Variants in EHBP1 observed in about 807,000 individuals in gnomAD.
The protein encoded by EHBP1 is EH domain-binding protein 1.
EHBP1 carries 55 observed loss-of-function variants against 144.0 expected under a neutral mutation model. That is an observed-to-expected ratio of 0.38 (90% CI 0.31 to 0.48). EHBP1 has a LOEUF of 0.48. EHBP1 is among the 20% of genes least tolerant of loss of function. The probability of loss-of-function intolerance (pLI) is 0.98; values close to 1 mark genes in which losing one functional copy is unlikely to be tolerated. For synonymous variants in EHBP1, 469 were observed against 472.7 expected (o/e 0.99, Z 0.10); for missense variants, 1,200 against 1,364.2 (o/e 0.88, Z 1.90).
intron 5 of EHBP1, among the ~76,000 whole-genome samples, chr2:62,779,563 T>C (rs1398319644): frequency 6.6e-6 from 1 of 152,230 alleles, no homozygotes; most frequent in African/African-American, 2.4e-5. Flanking sequence ...CCAGAATACA[T>C]TTGAATGATA....
chr2:62,937,552 A>G (rs1260251461), intron 10 of EHBP1, among the ~76,000 whole-genome samples: 1 of 152,196 alleles, frequency 6.6e-6, no homozygotes, highest in Non-Finnish European at 1.5e-5. Context: ...CAAAGAGTCA[A>G]AGGAACACTG....
At chr2:62,817,479 A>G (rs1210577442) in intron 5 of EHBP1, among the ~76,000 whole-genome samples, 1 of 152,194 alleles carries the variant, frequency 6.6e-6, no homozygotes, top group African/African-American at 2.4e-5. Flanking sequence ...GAACAATAGC[A>G]TAGTAGATAA....
At chr2:62,994,006 A>T in intron 18 of EHBP1, 29 bp downstream of exon 18, 10 of 1,439,056 alleles carry the variant, frequency 6.9e-6, no homozygotes, top group Non-Finnish European at 9.5e-6. Flanking sequence ...TGGTTTCATG[A>T]TTGCTGATAA....
chr2:62,948,746 C>T lies in EHBP1; in HGVS notation c.1900C>T (p.Pro634Ser). 1.2e-6 allele frequency: 2 copies of T among 1,614,036 alleles called. No homozygotes were observed. The highest frequency in any genetic ancestry group is 8.5e-7 in the Non-Finnish European group (1 of 1,179,992). Residue 634 changes from proline (P) to serine (S), a missense_variant, in exon 13 of 23, where the codon CCT becomes TCT. Pro to Ser is a moderately conservative substitution (Grantham distance 74, BLOSUM62 -1). Coordinates refer to ENST00000431489, the MANE Select transcript of EHBP1 (RefSeq NM_001142616.3). ...TGGAAGGACTTCAGGATCTGATGAC[C>T]CTGGAATATGTTCCAATACAGATTC... ...SSGRTSGSDD[P>S]GICSNTDSTQ...
chr2:62,789,073 G>A (rs889537151), intron 5 of EHBP1, among the ~76,000 whole-genome samples: 1 of 152,166 alleles, frequency 6.6e-6, no homozygotes, highest in Non-Finnish European at 1.5e-5. Flanking sequence ...TCACACCTAT[G>A]GAGACTAGAA....
At chr2:62,742,332 G>A (rs1431695225) in intron 2 of EHBP1, among the ~76,000 whole-genome samples, 1 of 152,096 alleles carries the variant, frequency 6.6e-6, no homozygotes, top group Non-Finnish European at 1.5e-5. Flanking sequence ...TTTGGTATCT[G>A]TTGGGGCTCC....
chr2:62,942,843 G>C lies in EHBP1; in HGVS notation c.1311G>C (p.Trp437Cys). 1 of 1,613,792 alleles carries C rather than the reference G, an allele frequency of 6.2e-7. No homozygotes were observed. Among genetic ancestry groups the C allele is most frequent in the Non-Finnish European group, 8.5e-7 (1 of 1,179,784 alleles). ...AAATCACCAATTTTACTACATCGTG[G>C]AGAAATGGTTTATCTTTTTGTGCAA... ...GVKITNFTTSWRNGLSFCAIL... is the reference protein window; with the variant it reads ...GVKITNFTTSCRNGLSFCAIL... Residue 437 changes from tryptophan to cysteine, a missense_variant, in exon 11 of 23, where the codon TGG (tryptophan) becomes TGC (cysteine). Around this residue, in one of 6 missense-constraint regions of EHBP1, gnomAD observed 94 missense variants for 143.0 expected, o/e 0.66. Coordinates refer to ENST00000431489, the MANE Select transcript of EHBP1 (RefSeq NM_001142616.3).
At chr2:62,872,288 C>T (rs2050553956) in intron 9 of EHBP1, among the ~76,000 whole-genome samples, 1 of 151,984 alleles carries the variant, frequency 6.6e-6, no homozygotes, top group Non-Finnish European at 1.5e-5. Context: ...GAATTTTCAA[C>T]TTACTGAGTT....
chr2:63,019,535 C>T (rs574211688), intron 19 of EHBP1, among the ~76,000 whole-genome samples: 157 of 150,994 alleles, frequency 1.0e-3, no homozygotes, highest in African/African-American at 3.6e-3. Flanking sequence ...GGTGAAACCC[C>T]GTCTCTACTA....
At chr2:62,907,873 A>G (rs1488075460) in intron 10 of EHBP1, among the ~76,000 whole-genome samples, 2 of 152,184 alleles carry the variant, frequency 1.3e-5, no homozygotes, top group Non-Finnish European at 2.9e-5. Context: ...TTGATTTCCT[A>G]CAAGTTAACT....
chr2:62,864,263 A>G (rs761591412), intron 8 of EHBP1, among the ~76,000 whole-genome samples: 9 of 152,162 alleles, frequency 5.9e-5, no homozygotes, highest in African/African-American at 9.7e-5. Context: ...TTCCACTGCA[A>G]CGTCCCTGGG....
At chr2:62,996,906 C>T in intron 19 of EHBP1, 140 bp downstream of exon 19, 2 of 1,236,756 alleles carry the variant, frequency 1.6e-6, no homozygotes, top group Non-Finnish European at 1.1e-6. Flanking sequence ...CGATTTGCAG[C>T]CACCTCTCTG....
chr2:62,955,441 C>A, intron 13 of EHBP1, 76 bp from the exon 14 acceptor site: 1 of 1,395,400 alleles, frequency 7.2e-7, no homozygotes, highest in Non-Finnish European at 9.8e-7. Flanking sequence ...AGCAGATTGT[C>A]TAACCTTTCA....
intron 5 of EHBP1, among the ~76,000 whole-genome samples, chr2:62,818,221 C>T (rs765779110): frequency 1.5e-5 from 2 of 131,622 alleles, no homozygotes; most frequent in Non-Finnish European, 3.2e-5. Context: ...CACATTTACT[C>T]ACCACTCACT....
chr2:63,007,398 A>T (rs909675169), intron 19 of EHBP1, among the ~76,000 whole-genome samples: 1 of 151,790 alleles, frequency 6.6e-6, no homozygotes, highest in Non-Finnish European at 1.5e-5. Context: ...TTTGCATGCC[A>T]GCTTCTTTTT....
intron 9 of EHBP1, 94 bp downstream of exon 9, chr2:62,865,065 T>C: frequency 1.5e-6 from 2 of 1,347,190 alleles, no homozygotes; most frequent in Non-Finnish European, 2.0e-6. Context: ...GTACAAATCA[T>C]TAATGTACAC....
At chr2:62,768,424 G>A (rs1284317371) in intron 4 of EHBP1, among the ~76,000 whole-genome samples, 2 of 152,108 alleles carry the variant, frequency 1.3e-5, no homozygotes. Flanking sequence ...AGAAGAGATG[G>A]ATACATTCCT....
At chr2:62,681,163 A>G (rs1056327866) in intron 1 of EHBP1, among the ~76,000 whole-genome samples, 3 of 150,756 alleles carry the variant, frequency 2.0e-5, no homozygotes. Context: ...AAATACAAAG[A>G]TTAGCCAGGC....
chr2:62,874,587 G>T, intron 10 of EHBP1, 55 bp downstream of exon 10: 1 of 1,418,680 alleles, frequency 7.0e-7, no homozygotes, highest in Non-Finnish European at 9.5e-7. Context: ...TTCTCCCCGT[G>T]CCATTTAATT....
Sources: allele counts gnomAD v4.1 joint callset (sites outside exome capture counted in the v4.1 genomes callset), GRCh38; gene constraint gnomAD v4.1.1; regional missense constraint gnomAD v4.1.1; transcripts MANE v1.5; gene names NCBI Gene and HGNC (gene_info 2026-07-23, HGNC 2026-07-21).